HHIPL2: variants seen among roughly 807,000 people sequenced by gnomAD.
HHIPL2 encodes the protein HHIP like 2, also known as HHIP-like protein 2.
Under a neutral mutation model 61.0 loss-of-function variants are expected in HHIPL2, and 61 were observed. The observed-to-expected ratio is 1.00, with a 90% CI of 0.81 to 1.24. HHIPL2 has a LOEUF of 1.24. HHIPL2 is among the 50% of genes most tolerant of loss of function. HHIPL2 has a pLI of 0.00. For synonymous variants in HHIPL2, 343 were observed against 357.4 expected (o/e 0.96, Z 0.45); for missense variants, 885 against 910.2 (o/e 0.97, Z 0.36).
Position 222,522,310 on chromosome 1 carries a change from G to T in HHIPL2, c.*291C>A. On this transcript the variant is annotated 3_prime_UTR_variant, in exon 9 of 9. Coordinates refer to ENST00000343410, the MANE Select transcript of HHIPL2 (RefSeq NM_024746.4). ...TACCTCAGGTTGTAGGCATTTACAA[G>T]ACAAAACGGAGACATCCAGTGTGAT... The T allele has an allele frequency of 2.4e-6, 1 of 424,652 alleles. No homozygotes were observed. Among genetic ancestry groups the T allele is most frequent in the South Asian group, 4.9e-5 (1 of 20,512 alleles). The allele number at this position is 424,652 out of a possible 1,614,324, so 26.3% of individuals were successfully genotyped here.
intron 3 of HHIPL2, 68 bp downstream of exon 3, chr1:222,541,944 T>C (rs977957896): frequency 1.3e-6 from 2 of 1,496,042 alleles, no homozygotes; most frequent in Admixed American, 4.9e-5. Context: ...TTTGATGCCA[T>C]CCCTGCAAAA....
chr1:222,547,044 CTG>C (rs1659569989), intron 1 of HHIPL2, among the ~76,000 whole-genome samples: 1 of 152,234 alleles, frequency 6.6e-6, no homozygotes, highest in South Asian at 2.1e-4. Flanking sequence ...CCTACAAAGT[CTG>C]TGTGTGCAGC....
chr1:222,547,208 G>A (rs1659572799), intron 1 of HHIPL2, among the ~76,000 whole-genome samples: 1 of 152,134 alleles, frequency 6.6e-6, no homozygotes, highest in South Asian at 2.1e-4. Context: ...CTGGAGTGCT[G>A]GGCAGACAGA....
chr1:222,522,812 C>A lies in HHIPL2; in HGVS notation c.1964G>T (p.Gly655Val). 6.2e-7 allele frequency: 1 copy of A among 1,614,158 alleles called. No homozygotes were observed. Among genetic ancestry groups the A allele is most frequent in the Non-Finnish European group, 8.5e-7 (1 of 1,180,022 alleles). The stretch of plus-strand genomic sequence containing the variant: ...TTTCTCAGACAAACCCTGGGCTGGG[C>A]CAGAAGCTAAGGTTGCACTGGAAGA... ...RKSSSATLAS[G>V]PAQGLSEKGS... Residue 655 changes from glycine to valine, a missense_variant, in exon 9 of 9, where the codon GGC becomes GTC. By Grantham distance (109) the Gly-to-Val change is moderately radical. Coordinates refer to ENST00000343410, the MANE Select transcript of HHIPL2 (RefSeq NM_024746.4).
intron 6 of HHIPL2, among the ~76,000 whole-genome samples, chr1:222,530,775 T>C (rs1659170662): frequency 6.6e-6 from 1 of 152,174 alleles, no homozygotes; most frequent in African/African-American, 2.4e-5. Flanking sequence ...TTTTTTGATT[T>C]GTTTTGTTTT....
chr1:222,526,483 A>C (rs910826053), intron 7 of HHIPL2, among the ~76,000 whole-genome samples: 1 of 152,082 alleles, frequency 6.6e-6, no homozygotes, highest in East Asian at 1.9e-4. Context: ...AGGCAGGTGA[A>C]TCACCTGAGG....
At chr1:222,544,810 T>C (rs775193303) in intron 1 of HHIPL2, among the ~76,000 whole-genome samples, 1 of 152,242 alleles carries the variant, frequency 6.6e-6, no homozygotes, top group African/African-American at 2.4e-5. Context: ...TTCCATATTT[T>C]TGGAATATTT....
intron 3 of HHIPL2, among the ~76,000 whole-genome samples, chr1:222,540,615 G>T (rs912070177): frequency 6.6e-6 from 1 of 152,232 alleles, no homozygotes; most frequent in East Asian, 1.9e-4. Flanking sequence ...TGGTCCATGT[G>T]ACCCTGAGCA....
At chr1:222,536,461 G>A (rs1038970096) in intron 5 of HHIPL2, among the ~76,000 whole-genome samples, 1 of 152,116 alleles carries the variant, frequency 6.6e-6, no homozygotes, top group Non-Finnish European at 1.5e-5. Flanking sequence ...TAGATAAGCT[G>A]AGTAATTAAA....
At chr1:222,528,241 C>T (rs370524581) in intron 6 of HHIPL2, among the ~76,000 whole-genome samples, 5 of 152,250 alleles carry the variant, frequency 3.3e-5, no homozygotes. Flanking sequence ...GCACAGCCCT[C>T]GAGATATTTA....
intron 3 of HHIPL2, among the ~76,000 whole-genome samples, chr1:222,540,806 T>C: frequency 6.6e-6 from 1 of 152,382 alleles, no homozygotes; most frequent in South Asian, 2.1e-4. Context: ...TCTCTGGGGC[T>C]GACTTTCCTC....
Position 222,529,286 on chromosome 1 carries a change from T to G in HHIPL2, c.1724-2236A>C, listed in dbSNP as rs183306175. Among the ~76,000 whole-genome samples the G allele has an allele frequency of 1.2e-3, 180 of 152,332 alleles. 1 individual carries two copies. The highest frequency in any genetic ancestry group is 2.0e-3 in the Non-Finnish European group (134 of 68,038). ...TATAATCTTCCCCATGTAAGAGATC[T>G]GATGAACTAGGGCACACCCTCCTTT... On this transcript the variant is annotated intron_variant, in intron 6 of 8. Coordinates refer to ENST00000343410, the MANE Select transcript of HHIPL2 (RefSeq NM_024746.4).
In HHIPL2 at chr1:222,534,207, A is replaced by G. The variant is rs137921755; in HGVS notation, c.1578-2096T>C. On this transcript the variant is annotated intron_variant, in intron 5 of 8. Coordinates refer to ENST00000343410, the MANE Select transcript of HHIPL2 (RefSeq NM_024746.4). ...CTCCAAGCAAAATTCAAAATCATTT[A>G]TAGGAATACAAAAATATCCAGCACC... Among the ~76,000 whole-genome samples, 4 of 152,354 alleles carry G rather than the reference A, an allele frequency of 2.6e-5. No individual in the cohort carries two copies. The East Asian group carries it at 7.7e-4, about 29-fold the overall frequency.
At chr1:222,539,259 C>T (rs1236683287) in intron 4 of HHIPL2, among the ~76,000 whole-genome samples, 2 of 152,030 alleles carry the variant, frequency 1.3e-5, no homozygotes, top group Admixed American at 6.6e-5. Context: ...GGGCCGGGCA[C>T]GGTGACTCAC....
intron 6 of HHIPL2, among the ~76,000 whole-genome samples, chr1:222,530,398 C>T (rs1659162482): frequency 6.6e-6 from 1 of 152,218 alleles, no homozygotes; most frequent in African/African-American, 2.4e-5. Context: ...TCACGTCACT[C>T]ACTTTCCACT....
chr1:222,538,755 A>G lies in HHIPL2; in HGVS notation c.1470T>C (p.Tyr490=), dbSNP rs752761028. 7 of 1,614,192 alleles carry G rather than the reference A, an allele frequency of 4.3e-6. No individual in the cohort carries two copies. Among genetic ancestry groups the G allele is most frequent in the Non-Finnish European group, 5.9e-6 (7 of 1,180,026 alleles). ...ACTTCCCCACTGCATGGCCATAAGC[A>G]TAGATTGGCAGAACATCATCTGTCC... ...NASLDDVLPI[Y]AYGHAVGKSV... is the part of the protein sequence containing the mutation. Residue 490 remains tyrosine, a synonymous_variant, in exon 5 of 9, where the codon TAT becomes TAC. Transcript: ENST00000343410.
chr1:222,546,061 A>AATAAATAAATAAAT (rs1558133884), intron 1 of HHIPL2, among the ~76,000 whole-genome samples: 1 of 151,608 alleles, frequency 6.6e-6, no homozygotes, highest in African/African-American at 2.4e-5. Context: ...TAAATAAATA[A>AATAAATAAATAAAT]ATAAATAAAT....
At chr1:222,546,955 G>C (rs1178579742) in intron 1 of HHIPL2, among the ~76,000 whole-genome samples, 1 of 152,224 alleles carries the variant, frequency 6.6e-6, no homozygotes, top group Non-Finnish European at 1.5e-5. Flanking sequence ...AACATCATTA[G>C]AGGGGTCCTC....
intron 7 of HHIPL2, chr1:222,525,101 G>C (rs2102608379): frequency 6.6e-6 from 1 of 152,098 alleles, no homozygotes; most frequent in East Asian, 1.9e-4. Flanking sequence ...AAAAAAAAAA[G>C]GTGAATAAGT....
Sources: allele counts gnomAD v4.1 joint callset (sites outside exome capture counted in the v4.1 genomes callset), GRCh38; gene constraint gnomAD v4.1.1; transcripts MANE v1.5; gene names NCBI Gene and HGNC (gene_info 2026-07-23, HGNC 2026-07-21).